The following PHF21B variants were observed in gnomAD, a reference collection of about 807,000 sequenced individuals.
PHF21B encodes the protein PHD finger protein 21B.
PHF21B carries 22 observed loss-of-function variants against 62.2 expected under a neutral mutation model. That is an observed-to-expected ratio of 0.35 (90% CI 0.25 to 0.51). The LOEUF is 0.51. PHF21B is among the 20% of genes least tolerant of loss of function. PHF21B has a pLI of 0.97. For synonymous variants in PHF21B, 341 were observed against 314.7 expected, an observed-to-expected ratio of 1.08 and a Z score of -0.88; for missense variants, 701 against 707.9, an observed-to-expected ratio of 0.99 and a Z score of 0.11.
chr22:44,916,683 G>A, intron 3 of PHF21B, 53 bp from the exon 4 acceptor site: 1 of 1,527,388 alleles, frequency 6.5e-7, no homozygotes, highest in Non-Finnish European at 9.0e-7. Context: ...CAGGAGTGCA[G>A]GGGAGGGGCC....
chr22:44,901,606 G>C (rs1405214774), intron 5 of PHF21B: 33 of 342,294 alleles, frequency 9.6e-5, no homozygotes, highest in Non-Finnish European at 1.1e-5. Context: ...TGAGAAGTTG[G>C]ATACTGAGGA....
chr22:44,962,837 A>G (rs2072451493), intron 2 of PHF21B, among the ~76,000 whole-genome samples: 1 of 152,180 alleles, frequency 6.6e-6, no homozygotes, highest in African/African-American at 2.4e-5. Flanking sequence ...CGATGTGGCC[A>G]GAAGACTCAG....
intron 10 of PHF21B, among the ~76,000 whole-genome samples, chr22:44,887,686 C>A (rs1193320099): frequency 6.9e-6 from 1 of 145,126 alleles, no homozygotes; most frequent in Non-Finnish European, 1.5e-5. Flanking sequence ...ACCCAGGAGG[C>A]AGAGGTTGCA....
chr22:44,916,486 C>T lies in PHF21B; in HGVS notation c.358G>A (p.Val120Ile). 2.5e-6 allele frequency: 4 copies of T among 1,607,446 alleles called. No homozygotes were observed. Among genetic ancestry groups the T allele is most frequent in the South Asian group, 2.2e-5 (2 of 90,980 alleles). Residue 120 changes from valine to isoleucine, a missense_variant, in exon 4 of 13, where the codon GTC becomes ATC. Transcript: ENST00000313237. ...SPALPTANNTVSHVPAPGSQP... is the reference protein window; with the variant it reads ...SPALPTANNTISHVPAPGSQP... ...CTGCCGGGCGCTGGCACATGGCTGA[C>T]AGTGTTGTTGGCGGTGGGGAGGGCT... is the stretch of plus-strand genomic sequence containing the variant.
rs930624360 is a variant in PHF21B, at chr22:44,888,133, G to A, written c.1039-12C>T. ...TGGGTGATCTCGTTCTGGAAGAGAAGGGAGGGCAGGAGACAGGTCAGCCAC... is the reference window on the plus strand; with the variant it reads ...TGGGTGATCTCGTTCTGGAAGAGAAAGGAGGGCAGGAGACAGGTCAGCCAC... On this transcript the variant is annotated splice_polypyrimidine_tract_variant and intron_variant, in intron 9 of 12. Transcript: ENST00000313237. The A allele has an allele frequency of 1.3e-6, 2 of 1,512,510 alleles. No individual in the cohort carries two copies. Among genetic ancestry groups the A allele is most frequent in the Non-Finnish European group, 1.8e-6 (2 of 1,126,558 alleles). 93.7% of individuals were successfully genotyped at this position (1,512,510 alleles called of 1,614,324 possible). A position where few individuals can be genotyped will look rare whatever the true frequency, so the allele number is the denominator to read the frequency against.
In PHF21B at chr22:44,896,884, T is replaced by TTTTTTTTTG. The variant is rs1555933187; in HGVS notation, c.832-802_832-801insCAAAAAAAA. Among the ~76,000 whole-genome samples the TTTTTTTTTG allele has an allele frequency of 2.0e-4, 16 of 78,896 alleles. 1 individual carries two copies. The East Asian group carries it at 2.7e-3, about 14-fold the overall frequency. The allele number at this position is 78,896 out of a possible 152,430, so 51.8% of individuals were successfully genotyped here. On this transcript the variant is annotated intron_variant, in intron 5 of 12. Coordinates refer to ENST00000313237, the MANE Select transcript of PHF21B (RefSeq NM_138415.5). ...GGGTGGCACTTAGTTTTATCTGTTTTTTTTTTTTTTTTGAGACAGGTTCTC... is the reference window on the plus strand; with the variant it reads ...GGGTGGCACTTAGTTTTATCTGTTTTTTTTTTTTGTTTTTTTTTTTTGAGACAGGTTCTC...
chr22:44,944,005 G>A (rs897674242), intron 2 of PHF21B, among the ~76,000 whole-genome samples: 3 of 152,210 alleles, frequency 2.0e-5, no homozygotes, highest in African/African-American at 7.2e-5. Context: ...GGAAGGAACA[G>A]CGCTGGGCCT....
intron 2 of PHF21B, among the ~76,000 whole-genome samples, chr22:44,974,441 GAC>G (rs1422154572): frequency 6.6e-6 from 1 of 151,494 alleles, no homozygotes; most frequent in African/African-American, 2.4e-5. Flanking sequence ...TATGCTTAAG[GAC>G]ACAGAGGTCT....
intron 2 of PHF21B, among the ~76,000 whole-genome samples, chr22:44,957,184 G>A (rs930027568): frequency 2.0e-5 from 3 of 152,214 alleles, no homozygotes; most frequent in Non-Finnish European, 2.9e-5. Context: ...AGCCTCTGCA[G>A]GGGACTGCAG....
intron 5 of PHF21B, among the ~76,000 whole-genome samples, chr22:44,907,945 T>TG (rs1020649631): frequency 5.9e-5 from 9 of 152,136 alleles, no homozygotes; most frequent in South Asian, 2.1e-4. Flanking sequence ...ACAGGGGCGC[T>TG]GGGGGGGTGA....
intron 5 of PHF21B, among the ~76,000 whole-genome samples, chr22:44,910,227 T>G (rs2071321717): frequency 6.6e-6 from 1 of 152,092 alleles, no homozygotes; most frequent in African/African-American, 2.4e-5. Context: ...CAGAAACCAC[T>G]CCTGGGGGCC....
At chr22:44,936,894 T>TG (rs1182573366) in intron 2 of PHF21B, among the ~76,000 whole-genome samples, 18 of 130,720 alleles carry the variant, frequency 1.4e-4, no homozygotes, top group African/African-American at 5.3e-4. Context: ...TTTCCTGAGA[T>TG]GGAGTTTCAC....
At chr22:44,931,541 G>C (rs138675070) in intron 2 of PHF21B, among the ~76,000 whole-genome samples, 1 of 150,430 alleles carries the variant, frequency 6.6e-6, no homozygotes, top group East Asian at 2.0e-4. Context: ...GCGTTGCAGA[G>C]CAGTTTGTTT....
chr22:44,917,392 G>A lies in PHF21B; in HGVS notation c.214-762C>T, dbSNP rs117241316. Among the ~76,000 whole-genome samples the A allele has an allele frequency of 9.9e-5, 15 of 152,266 alleles. No individual in the cohort carries two copies. In the East Asian group the frequency reaches 2.1e-3, roughly 22 times the overall value. The stretch of plus-strand genomic sequence containing the variant: ...GCTGTCACCAGCACCCCCACACCCA[G>A]CAGAGTGTTTCTGATGGTGGAAATT... On this transcript the variant is annotated intron_variant, in intron 3 of 12. Transcript: ENST00000313237.
At chr22:44,967,543 A>G (rs2072552541) in intron 2 of PHF21B, among the ~76,000 whole-genome samples, 1 of 152,198 alleles carries the variant, frequency 6.6e-6, no homozygotes, top group African/African-American at 2.4e-5. Context: ...TTTAAAAAAT[A>G]AATTTTATTC....
intron 3 of PHF21B, among the ~76,000 whole-genome samples, chr22:44,917,522 TGA>T (rs934803681): frequency 1.3e-5 from 2 of 152,082 alleles, no homozygotes; most frequent in Non-Finnish European, 2.9e-5. Flanking sequence ...TATTATGCCT[TGA>T]GAGACAAGGG....
At chr22:44,979,716 GGT>G (rs2072802447) in intron 2 of PHF21B, among the ~76,000 whole-genome samples, 1 of 152,152 alleles carries the variant, frequency 6.6e-6, no homozygotes. Flanking sequence ...CCCAGTTTAT[GGT>G]GTTTGGGCTT....
In PHF21B at chr22:44,916,130, G is replaced by A. The variant is rs76655990; in HGVS notation, c.564+150C>T. 6,122 of 746,230 alleles carry A rather than the reference G, an allele frequency of 8.2e-3. 273 individuals are homozygous for A. The African/African-American group carries it at 0.095, about 12-fold the overall frequency. 46.2% of individuals were successfully genotyped at this position (746,230 alleles called of 1,614,324 possible). Reference sequence around the variant, plus strand: ...TTCATTCATTTGCTCCTCTGTTTCCGTCCCATTCATTCATTTGTCCACTTG... The same window carrying A: ...TTCATTCATTTGCTCCTCTGTTTCCATCCCATTCATTCATTTGTCCACTTG... On this transcript the variant is annotated intron_variant, in intron 4 of 12. Coordinates refer to ENST00000313237, the MANE Select transcript of PHF21B (RefSeq NM_138415.5).
chr22:44,933,942 ATTT>A (rs2071794031), intron 2 of PHF21B, among the ~76,000 whole-genome samples: 4 of 152,186 alleles, frequency 2.6e-5, no homozygotes, highest in African/African-American at 9.7e-5. Context: ...GTCCTTGTCT[ATTT>A]ACTGAGATCC....
Sources: gnomAD v4.1 joint callset for allele counts (sites outside exome capture counted in the v4.1 genomes callset) on GRCh38, gnomAD v4.1.1 for gene constraint, MANE v1.5 for transcripts, NCBI Gene and HGNC (gene_info 2026-07-23, HGNC 2026-07-21) for gene names.